TOX3: variants seen among roughly 807,000 people sequenced by gnomAD.
The protein encoded by TOX3 is TOX high mobility group box family member 3, also known as CAG trinucleotide repeat-containing gene F9 protein.
TOX3 carries 22 observed loss-of-function variants against 64.3 expected under a neutral mutation model. The observed-to-expected ratio is 0.34, with a 90% CI of 0.24 to 0.49. The LOEUF is 0.49. Ranked by LOEUF, TOX3 falls within the 20% of genes least tolerant of loss-of-function variation. TOX3 has a pLI of 0.99. For missense variants in TOX3, 661 were observed against 714.4 expected, an observed-to-expected ratio of 0.93 and a Z score of 0.85; for synonymous variants, 291 against 273.6, an observed-to-expected ratio of 1.06 and a Z score of -0.63.
At chr16:52,498,266 A>G (rs145847941) in intron 1 of TOX3, among the ~76,000 whole-genome samples, 61 of 152,336 alleles carry the variant, frequency 4.0e-4, no homozygotes, top group African/African-American at 1.4e-3. Flanking sequence ...TCAACTGAAT[A>G]GGAAGGGAAC....
intron 4 of TOX3, among the ~76,000 whole-genome samples, chr16:52,448,234 C>T (rs1027453955): frequency 6.6e-6 from 1 of 152,154 alleles, no homozygotes; most frequent in Non-Finnish European, 1.5e-5. Flanking sequence ...TTTAATCTTC[C>T]TTTCTCAGCT....
intron 1 of TOX3, among the ~76,000 whole-genome samples, chr16:52,474,388 A>G (rs1961144039): frequency 6.6e-6 from 1 of 152,142 alleles, no homozygotes; most frequent in African/African-American, 2.4e-5. Flanking sequence ...GACTATCCTC[A>G]ACACAGAGAC....
chr16:52,520,461 C>T (rs763710715), intron 1 of TOX3, among the ~76,000 whole-genome samples: 22 of 152,196 alleles, frequency 1.4e-4, no homozygotes, highest in Non-Finnish European at 2.8e-4. Context: ...TTAATAGACT[C>T]ATGTTCAATG....
chr16:52,504,481 A>C (rs549109515), intron 1 of TOX3, among the ~76,000 whole-genome samples: 53 of 152,000 alleles, frequency 3.5e-4, no homozygotes, highest in Middle Eastern at 6.8e-3. Context: ...AAAAAAAAAA[A>C]AAAGAAGTTC....
chr16:52,547,142 A>T lies in TOX3; in HGVS notation c.-419T>A, dbSNP rs1411756095. On this transcript the variant is annotated 5_prime_UTR_variant, in exon 1 of 7. Transcript: ENST00000219746. ...CGGACTGAGGAGACGAGCCGCGGAG[A>T]CAAGGGGCCCGGCCCCTCCCCTCCT... 22 of 162,274 alleles carry T rather than the reference A, an allele frequency of 1.4e-4. No individual in the cohort carries two copies. Among genetic ancestry groups the T allele is most frequent in the Non-Finnish European group, 2.5e-4 (20 of 80,958 alleles). The allele number at this position is 162,274 out of a possible 1,614,324, so 10.1% of individuals were successfully genotyped here.
At chr16:52,547,385 T>C (rs1208918619), upstream of TOX3, 1 of 128,730 alleles carries the variant, frequency 7.8e-6, no homozygotes, top group Non-Finnish European at 1.6e-5. Context: ...CCCTTCCCGC[T>C]CCGGTCCTCT....
intron 5 of TOX3, 151 bp downstream of exon 5, chr16:52,445,843 A>G: frequency 1.4e-6 from 1 of 722,062 alleles, no homozygotes; most frequent in Non-Finnish European, 2.2e-6. Flanking sequence ...GTTTAGATTT[A>G]TATGTCTGGG....
chr16:52,459,342 AAAC>A (rs1347451822), intron 3 of TOX3, among the ~76,000 whole-genome samples: 1 of 152,134 alleles, frequency 6.6e-6, no homozygotes, highest in African/African-American at 2.4e-5. Flanking sequence ...AAATAACAAC[AAAC>A]AATATACAGC....
chr16:52,526,634 A>AGCCAGAGAG (rs1962732836), intron 1 of TOX3, among the ~76,000 whole-genome samples: 1 of 152,158 alleles, frequency 6.6e-6, no homozygotes, highest in Non-Finnish European at 1.5e-5. Flanking sequence ...CCCTGATCAG[A>AGCCAGAGAG]GCCAGAGAGG....
chr16:52,514,961 A>C (rs965161916), intron 1 of TOX3, among the ~76,000 whole-genome samples: 7 of 140,740 alleles, frequency 5.0e-5, no homozygotes, highest in African/African-American at 1.8e-4. Flanking sequence ...CAGTGAGCCA[A>C]GATGACAGCC....
rs945429039 is a variant in TOX3, at chr16:52,505,540, C to T, written c.88-36966G>A. Among the ~76,000 whole-genome samples, 16 of 152,286 alleles carry T rather than the reference C, an allele frequency of 1.1e-4. No individual in the cohort carries two copies. The East Asian group carries it at 2.9e-3, about 28-fold the overall frequency. The stretch of plus-strand genomic sequence containing the variant: ...CACTAGATTGGGTTTTCATGAAGCT[C>T]GTGACTGGATTTTGCCACAAAAATC... On this transcript the variant is annotated intron_variant, in intron 1 of 6. Coordinates refer to ENST00000219746, the MANE Select transcript of TOX3 (RefSeq NM_001080430.4).
chr16:52,522,301 A>G (rs1962628825), intron 1 of TOX3, among the ~76,000 whole-genome samples: 1 of 152,220 alleles, frequency 6.6e-6, no homozygotes, highest in South Asian at 2.1e-4. Flanking sequence ...ATGTCAGGCC[A>G]CAGGCCAGAT....
At chr16:52,505,548 G>A (rs1373399458) in intron 1 of TOX3, among the ~76,000 whole-genome samples, 1 of 152,170 alleles carries the variant, frequency 6.6e-6, no homozygotes, top group Non-Finnish European at 1.5e-5. Context: ...CTCGTGACTG[G>A]ATTTTGCCAC....
At chr16:52,492,948 TC>T (rs1961736803) in intron 1 of TOX3, among the ~76,000 whole-genome samples, 1 of 149,860 alleles carries the variant, frequency 6.7e-6, no homozygotes, top group South Asian at 2.1e-4. Context: ...AACAGTCAGA[TC>T]AAAAGACTTT....
chr16:52,537,728 C>A (rs1219856869), intron 1 of TOX3, among the ~76,000 whole-genome samples: 1 of 152,112 alleles, frequency 6.6e-6, no homozygotes, highest in Admixed American at 6.5e-5. Context: ...GCATGGGACC[C>A]AAGTCTATCC....
At chr16:52,546,606 GC>G (rs998270640) in intron 1 of TOX3, 30 bp downstream of exon 1, 6 of 1,525,004 alleles carry the variant, frequency 3.9e-6, no homozygotes, top group African/African-American at 2.8e-5. Flanking sequence ...GGTGGCCCCC[GC>G]CCCCCGGCCC....
intron 1 of TOX3, among the ~76,000 whole-genome samples, chr16:52,530,732 GA>G: frequency 6.7e-6 from 1 of 150,156 alleles, no homozygotes; most frequent in Non-Finnish European, 1.5e-5. Flanking sequence ...CCTGATATAA[GA>G]ATCTTCTAGA....
intron 1 of TOX3, among the ~76,000 whole-genome samples, chr16:52,522,463 C>T (rs1168141141): frequency 6.6e-6 from 1 of 152,202 alleles, no homozygotes; most frequent in Admixed American, 6.5e-5. Flanking sequence ...AGTGGAGGAG[C>T]AACCACCTCC....
chr16:52,520,872 G>A (rs1962592388), intron 1 of TOX3, among the ~76,000 whole-genome samples: 2 of 152,030 alleles, frequency 1.3e-5, no homozygotes, highest in Non-Finnish European at 2.9e-5. Flanking sequence ...ATAGTATTGT[G>A]AGCCTTTATT....
Sources: allele counts gnomAD v4.1 joint callset (sites outside exome capture counted in the v4.1 genomes callset), GRCh38; gene constraint gnomAD v4.1.1; transcripts MANE v1.5; gene names NCBI Gene and HGNC (gene_info 2026-07-23, HGNC 2026-07-21).